Variants in ARL6IP6 observed in about 807,000 individuals in gnomAD.
ARL6IP6 encodes the protein ARF like GTPase 6 interacting protein 6.
In ARL6IP6, 22 loss-of-function variants were observed where a neutral mutation model predicts 21.5. That is an observed-to-expected ratio of 1.02 (90% CI 0.73 to 1.46). The LOEUF (loss-of-function observed/expected upper bound fraction) is 1.46. Ranked by LOEUF, ARL6IP6 falls within the 40% of genes most tolerant of loss-of-function variation. The pLI, the probability that ARL6IP6 is intolerant of heterozygous loss-of-function variation, is 0.00. For synonymous variants in ARL6IP6, 164 were observed against 125.3 expected (o/e 1.31, Z -2.06); for missense variants, 388 against 299.8 (o/e 1.29, Z -2.17).
At chr2:152,719,762 A>AAC in intron 1 of ARL6IP6, 1 of 308,942 alleles carries the variant, frequency 3.2e-6, no homozygotes, top group East Asian at 9.9e-5. Flanking sequence ...AAAAAAAAAA[A>AAC]AAAAAAAAAA....
chr2:152,753,687 C>G (rs1398075660), intron 3 of ARL6IP6, among the ~76,000 whole-genome samples: 2 of 141,904 alleles, frequency 1.4e-5, no homozygotes, highest in Non-Finnish European at 3.0e-5. Context: ...GACCTCCCTT[C>G]ATTCAGGTCC....
At chr2:152,745,082 G>A (rs1700984111) in intron 3 of ARL6IP6, among the ~76,000 whole-genome samples, 2 of 152,120 alleles carry the variant, frequency 1.3e-5, no homozygotes, top group African/African-American at 4.8e-5. Context: ...GCAGCAGATA[G>A]TAAAATACTT....
intron 2 of ARL6IP6, among the ~76,000 whole-genome samples, chr2:152,726,158 AT>A (rs1317916103): frequency 6.6e-6 from 1 of 151,716 alleles, no homozygotes; most frequent in Non-Finnish European, 1.5e-5. Context: ...TTTTTTTTTA[AT>A]TTTCCCATGT....
chr2:152,721,684 A>AT (rs1339290436), intron 2 of ARL6IP6, among the ~76,000 whole-genome samples: 1 of 152,232 alleles, frequency 6.6e-6, no homozygotes, highest in Non-Finnish European at 1.5e-5. Flanking sequence ...TTGAGACACT[A>AT]TGACACATGT....
chr2:152,735,735 G>A (rs1700521033), intron 3 of ARL6IP6, among the ~76,000 whole-genome samples: 2 of 152,056 alleles, frequency 1.3e-5, no homozygotes, highest in South Asian at 2.1e-4. Context: ...TCCGAAATAA[G>A]AACATCTAAG....
At chr2:152,732,319 C>T (rs1700356380) in intron 2 of ARL6IP6, among the ~76,000 whole-genome samples, 1 of 152,064 alleles carries the variant, frequency 6.6e-6, no homozygotes, top group South Asian at 2.1e-4. Flanking sequence ...TGAAGAGTTT[C>T]TGTTTATTCA....
chr2:152,720,929 A>G (rs1304901583), intron 2 of ARL6IP6, among the ~76,000 whole-genome samples: 1 of 152,164 alleles, frequency 6.6e-6, no homozygotes, highest in East Asian at 1.9e-4. Flanking sequence ...TGTCTCTACA[A>G]AAAATAAACA....
At chr2:152,738,630 A>T (rs931460626) in intron 3 of ARL6IP6, among the ~76,000 whole-genome samples, 2 of 152,026 alleles carry the variant, frequency 1.3e-5, no homozygotes, top group African/African-American at 4.8e-5. Flanking sequence ...GTGTACATTG[A>T]CCCCTTTTAG....
In ARL6IP6 at chr2:152,718,995, T is replaced by A; in HGVS notation, c.371T>A (p.Leu124His). 6.3e-7 allele frequency: 1 copy of A among 1,579,996 alleles called. No homozygotes were observed. Among genetic ancestry groups the A allele is most frequent in the Non-Finnish European group, 8.6e-7 (1 of 1,160,254 alleles). ...SLLFAILLAF[L>H]LAIAYLIVKE... ...CTCTTCGCCATTCTTCTCGCCTTCC[T>A]CCTCGCCATCGCCTACTTGATCGTT... Residue 124 changes from leucine (L) to histidine (H), a missense_variant, in exon 1 of 4, where the codon CTC becomes CAC. Coordinates refer to ENST00000326446, the MANE Select transcript of ARL6IP6 (RefSeq NM_152522.7).
chr2:152,724,037 T>C (rs1009994039), intron 2 of ARL6IP6, among the ~76,000 whole-genome samples: 2 of 150,188 alleles, frequency 1.3e-5, no homozygotes, highest in African/African-American at 2.5e-5. Context: ...GTCACAAATA[T>C]CCTATTCTAT....
intron 3 of ARL6IP6, among the ~76,000 whole-genome samples, 186 bp downstream of exon 3, chr2:152,735,312 T>C (rs1180547776): frequency 1.3e-5 from 2 of 152,232 alleles, no homozygotes; most frequent in South Asian, 2.1e-4. Flanking sequence ...TTTAAAATTC[T>C]ATATCTAGAT....
chr2:152,719,155 A>G (rs1233768335), intron 1 of ARL6IP6, 131 bp downstream of exon 1: 26 of 1,063,762 alleles, frequency 2.4e-5, no homozygotes, highest in Admixed American at 3.1e-5. Flanking sequence ...CAGAGTCCTC[A>G]TTTGCATCTT....
At chr2:152,751,209 T>A (rs1412138727) in intron 3 of ARL6IP6, among the ~76,000 whole-genome samples, 1 of 151,830 alleles carries the variant, frequency 6.6e-6, no homozygotes, top group Non-Finnish European at 1.5e-5. Context: ...ACTTTTTTTT[T>A]ATTTTTAGTT....
chr2:152,720,316 A>G, intron 1 of ARL6IP6: 1 of 572,900 alleles, frequency 1.7e-6, no homozygotes, highest in South Asian at 2.1e-5. Flanking sequence ...CAGTACTCTC[A>G]TCCTATGTAC....
intron 2 of ARL6IP6, chr2:152,732,435 G>T (rs1700360597): frequency 5.4e-6 from 2 of 369,234 alleles, no homozygotes; most frequent in Non-Finnish European, 1.1e-5. Context: ...TTGAGCATCT[G>T]TTCATGTTTT....
At chr2:152,717,996 G>T, upstream of ARL6IP6, 1 of 997,492 alleles carries the variant, frequency 1.0e-6, no homozygotes, top group South Asian at 4.2e-5. Flanking sequence ...TACGCACCAG[G>T]TGGAGAGCGC....
intron 3 of ARL6IP6, among the ~76,000 whole-genome samples, chr2:152,758,205 A>T (rs538830434): frequency 6.0e-4 from 91 of 152,276 alleles, no homozygotes; most frequent in Middle Eastern, 6.8e-3. Flanking sequence ...TTATAATATT[A>T]TACCTAATAC....
intron 2 of ARL6IP6, among the ~76,000 whole-genome samples, chr2:152,723,766 A>T (rs1422725280): frequency 6.6e-6 from 1 of 151,592 alleles, no homozygotes; most frequent in Non-Finnish European, 1.5e-5. Context: ...TGTTTTGGCC[A>T]TCATGATTTC....
chr2:152,724,873 G>A (rs1378798393), intron 2 of ARL6IP6, among the ~76,000 whole-genome samples: 2 of 149,978 alleles, frequency 1.3e-5, no homozygotes, highest in African/African-American at 2.5e-5. Context: ...AACACCACTG[G>A]CCTAGTAGTT....
Sources: allele counts gnomAD v4.1 joint callset (sites outside exome capture counted in the v4.1 genomes callset), GRCh38; gene constraint gnomAD v4.1.1; transcripts MANE v1.5; gene names NCBI Gene and HGNC (gene_info 2026-07-23, HGNC 2026-07-21).